ZNF808: variants seen among roughly 807,000 people sequenced by gnomAD.
The protein encoded by ZNF808 is zinc finger protein 808.
ZNF808 carries 5 observed loss-of-function variants against 8.7 expected under a neutral mutation model. The observed-to-expected ratio is 0.58, with a 90% CI of 0.30 to 1.21. The LOEUF (loss-of-function observed/expected upper bound fraction) is 1.21, where lower values mean the gene tolerates loss of function less well. Ranked by LOEUF, ZNF808 falls within the 50% of genes most tolerant of loss-of-function variation. ZNF808 has a pLI of 0.07. For synonymous variants in ZNF808, 380 were observed against 366.0 expected (o/e 1.04, Z -0.44); for missense variants, 1,103 against 1,098.4 (o/e 1.00, Z -0.06).
intron 4 of ZNF808, among the ~76,000 whole-genome samples, chr19:52,548,019 G>A (rs1025981763): frequency 7.9e-5 from 12 of 151,816 alleles, no homozygotes; most frequent in African/African-American, 2.4e-4. Flanking sequence ...GATTACAGGC[G>A]TGAGCCACCA....
At chr19:52,567,416 CTT>C (rs145794627), downstream of ZNF808, among the ~76,000 whole-genome samples, 3 of 140,658 alleles carry the variant, frequency 2.1e-5, no homozygotes, top group African/African-American at 5.2e-5. Context: ...TGGTAGTTTT[CTT>C]TTTTTTTTCT....
At chr19:52,537,855 G>A (rs573334009) in intron 2 of ZNF808, among the ~76,000 whole-genome samples, 1 of 152,140 alleles carries the variant, frequency 6.6e-6, no homozygotes, top group South Asian at 2.1e-4. Flanking sequence ...AGCCATGTAT[G>A]TTCTATAAAT....
intron 4 of ZNF808, 30 bp downstream of exon 4, chr19:52,547,668 A>G: frequency 5.0e-6 from 8 of 1,598,484 alleles, no homozygotes; most frequent in Non-Finnish European, 6.8e-6. Context: ...AGACATGAGG[A>G]GTCTGCTCCT....
Position 52,563,063 on chromosome 19 carries a change from C to T in ZNF808, c.*423-255C>T, listed in dbSNP as rs551860165. ...TGCTGGGATTACAGGCCTGAACCAC[C>T]GCATCCTGTCGTTAGTCAATTCTTA... On this transcript the variant is annotated intron_variant and NMD_transcript_variant, in intron 3 of 3. Transcript: ENST00000487863. Among the ~76,000 whole-genome samples the T allele has an allele frequency of 1.1e-4, 16 of 152,158 alleles. 1 individual carries two copies. Among genetic ancestry groups the T allele is most frequent in the Admixed American group, 6.6e-4 (10 of 15,266 alleles).
chr19:52,529,911 ATTTTT>A (rs201852253), intron 1 of ZNF808, among the ~76,000 whole-genome samples: 276 of 81,918 alleles, frequency 3.4e-3, no homozygotes, highest in East Asian at 0.012. Context: ...ATATATATAT[ATTTTT>A]TTTTTTTGTA....
At chr19:52,551,723 C>G (rs1258456167) in intron 4 of ZNF808, among the ~76,000 whole-genome samples, 2 of 152,192 alleles carry the variant, frequency 1.3e-5, no homozygotes, top group East Asian at 1.9e-4. Context: ...CAAAGTGCCA[C>G]CAGGTGCAGT....
In ZNF808 at chr19:52,554,170, TA is replaced by T. The variant is rs2059808158; in HGVS notation, c.1255del (p.Ile419TyrfsTer117). ...NHQSSLARHH[I>X]LHTGEKPYKC... ...ATCAATCAAGCCTTGCACGTCATCA[TA>T]TACTTCATACTGGAGAGAAACCTTA... On this transcript the variant is annotated frameshift_variant, in exon 5 of 5. Coordinates refer to ENST00000359798, the MANE Select transcript of ZNF808 (RefSeq NM_001039886.4). LOFTEE classifies it low-confidence loss of function (END_TRUNC). 1 of 1,614,028 alleles carries T rather than the reference TA, an allele frequency of 6.2e-7. No individual in the cohort carries two copies.
chr19:52,552,506 G>A lies in ZNF808; in HGVS notation c.191-601G>A, dbSNP rs571097930. On this transcript the variant is annotated intron_variant, in intron 4 of 4. Transcript: ENST00000359798. ...TGGCTCACTGCAACCTCTGCCTCCC[G>A]TGTTGAAGTGATTCTTGTGCCTCAG... 8.0e-4 allele frequency among the ~76,000 whole-genome samples: 121 copies of A among 150,956 alleles called. 1 individual carries two copies. In the South Asian group the frequency reaches 0.015, roughly 18 times the overall value.
intron 4 of ZNF808, among the ~76,000 whole-genome samples, chr19:52,548,523 A>G (rs2059745034): frequency 6.6e-6 from 1 of 152,038 alleles, no homozygotes; most frequent in Non-Finnish European, 1.5e-5. Context: ...TTTGGGTTCA[A>G]GTGATTCTCC....
intron 4 of ZNF808, among the ~76,000 whole-genome samples, chr19:52,548,117 A>T (rs1217076483): frequency 1.3e-5 from 2 of 152,172 alleles, no homozygotes; most frequent in Non-Finnish European, 2.9e-5. Flanking sequence ...ACTAATGATC[A>T]TCTTCTCTAA....
chr19:52,549,910 G>A (rs536028048), intron 4 of ZNF808, among the ~76,000 whole-genome samples: 46 of 152,218 alleles, frequency 3.0e-4, no homozygotes, highest in African/African-American at 8.7e-4. Context: ...TGTGTGCAGG[G>A]CATCATGACT....
chr19:52,533,842 CCAAAAAAA>C (rs1016755333), intron 2 of ZNF808, among the ~76,000 whole-genome samples: 11 of 55,246 alleles, frequency 2.0e-4, no homozygotes, highest in South Asian at 1.4e-3. Context: ...GACTCCGTCT[CCAAAAAAA>C]AAAAAAAAAA....
At chr19:52,537,133 C>T (rs1184243698) in intron 2 of ZNF808, among the ~76,000 whole-genome samples, 1 of 152,002 alleles carries the variant, frequency 6.6e-6, no homozygotes, top group Non-Finnish European at 1.5e-5. Flanking sequence ...TTGCGGTGAG[C>T]CGAGATCGCA....
chr19:52,543,577 G>T (rs2059693230), intron 3 of ZNF808, among the ~76,000 whole-genome samples: 1 of 152,160 alleles, frequency 6.6e-6, no homozygotes, highest in African/African-American at 2.4e-5. Flanking sequence ...AGGCTCCACT[G>T]GGCATGGTCT....
At chr19:52,536,477 C>A (rs1568479755) in intron 2 of ZNF808, among the ~76,000 whole-genome samples, 1 of 152,088 alleles carries the variant, frequency 6.6e-6, no homozygotes, top group Non-Finnish European at 1.5e-5. Context: ...CAGGTGCCAC[C>A]CTTGTCTTAA....
At chr19:52,529,002 G>A (rs1599941836) in intron 1 of ZNF808, among the ~76,000 whole-genome samples, 1 of 151,778 alleles carries the variant, frequency 6.6e-6, no homozygotes, top group Non-Finnish European at 1.5e-5. Flanking sequence ...ATCCCAGGGA[G>A]AAAGAAAAGA....
chr19:52,567,035 TC>T (rs2059874572), downstream of ZNF808, among the ~76,000 whole-genome samples: 12 of 151,326 alleles, frequency 7.9e-5, no homozygotes, highest in South Asian at 2.3e-3. Context: ...CATTGCAACT[TC>T]CACCTTCCGG....
chr19:52,548,482 G>T (rs886171324), intron 4 of ZNF808, among the ~76,000 whole-genome samples: 1 of 151,942 alleles, frequency 6.6e-6, no homozygotes, highest in African/African-American at 2.4e-5. Flanking sequence ...GAGTGCAGTG[G>T]CATGATCTTG....
At chr19:52,540,848 G>A (rs921752817) in intron 2 of ZNF808, among the ~76,000 whole-genome samples, 2 of 152,112 alleles carry the variant, frequency 1.3e-5, no homozygotes, top group African/African-American at 4.8e-5. Flanking sequence ...ACATTTTTCT[G>A]GGAGTGAGTA....
Sources: allele counts gnomAD v4.1 joint callset (sites outside exome capture counted in the v4.1 genomes callset), GRCh38; gene constraint gnomAD v4.1.1; transcripts MANE v1.5; gene names NCBI Gene and HGNC (gene_info 2026-07-23, HGNC 2026-07-21).